NPNT: variants seen among roughly 807,000 people sequenced by gnomAD.
The protein encoded by NPNT is preosteoblast EGF-like repeat protein with MAM domain.
In NPNT, 45 loss-of-function variants were observed where a neutral mutation model predicts 68.6. That is an observed-to-expected ratio of 0.66 (90% CI 0.52 to 0.84). The LOEUF (loss-of-function observed/expected upper bound fraction) is 0.84. Ranked by LOEUF, NPNT falls within the 40% of genes least tolerant of loss-of-function variation. The probability of loss-of-function intolerance (pLI) is 0.00; values close to 1 mark genes in which losing one functional copy is unlikely to be tolerated. For missense variants in NPNT, 672 were observed against 714.8 expected, an observed-to-expected ratio of 0.94 and a Z score of 0.68; for synonymous variants, 233 against 253.3, an observed-to-expected ratio of 0.92 and a Z score of 0.76.
chr4:105,954,586 T>TAAA (rs376356643), intron 8 of NPNT, among the ~76,000 whole-genome samples: 147 of 152,254 alleles, frequency 9.7e-4, no homozygotes, highest in African/African-American at 3.4e-3. Context: ...TACAAGGCTT[T>TAAA]AAAAGCTCCT....
intron 8 of NPNT, among the ~76,000 whole-genome samples, chr4:105,945,826 T>C (rs1730339354): frequency 6.6e-6 from 1 of 152,208 alleles, no homozygotes. Flanking sequence ...TGTGAACATA[T>C]CAATGTTAAG....
intron 2 of NPNT, among the ~76,000 whole-genome samples, chr4:105,909,408 C>T (rs1727175688): frequency 6.6e-6 from 1 of 152,074 alleles, no homozygotes; most frequent in South Asian, 2.1e-4. Flanking sequence ...GTTTCATTTT[C>T]TAACTAAGGC....
chr4:105,928,111 A>G (rs897904516), intron 3 of NPNT, among the ~76,000 whole-genome samples: 2 of 152,124 alleles, frequency 1.3e-5, no homozygotes, highest in Admixed American at 1.3e-4. Flanking sequence ...TTATTTGGAG[A>G]GACAGAGGCA....
At chr4:105,920,647 C>T (rs1728194331) in intron 2 of NPNT, among the ~76,000 whole-genome samples, 1 of 151,718 alleles carries the variant, frequency 6.6e-6, no homozygotes, top group Non-Finnish European at 1.5e-5. Context: ...ACAGATGCAG[C>T]CACTTATTTT....
intron 10 of NPNT, among the ~76,000 whole-genome samples, chr4:105,963,140 G>A (rs1172968056): frequency 2.6e-5 from 4 of 152,148 alleles, no homozygotes; most frequent in African/African-American, 9.6e-5. Context: ...CAGGAGAATC[G>A]CTTGAGCCTG....
chr4:105,923,670 G>A (rs766819256), intron 2 of NPNT, among the ~76,000 whole-genome samples: 1 of 152,034 alleles, frequency 6.6e-6, no homozygotes, highest in East Asian at 1.9e-4. Flanking sequence ...TGACATGCAC[G>A]TTCTAGGCGA....
At chr4:105,923,223 G>A (rs888529012) in intron 2 of NPNT, among the ~76,000 whole-genome samples, 3 of 152,114 alleles carry the variant, frequency 2.0e-5, no homozygotes, top group Non-Finnish European at 4.4e-5. Context: ...ATTGGAAGGT[G>A]AGCCAGTTTA....
intron 3 of NPNT, among the ~76,000 whole-genome samples, chr4:105,928,043 G>A (rs1728822851): frequency 6.6e-6 from 1 of 152,018 alleles, no homozygotes; most frequent in Non-Finnish European, 1.5e-5. Flanking sequence ...ACAACATTAG[G>A]AAGTAGAGCA....
intron 2 of NPNT, among the ~76,000 whole-genome samples, chr4:105,915,127 G>A (rs578168008): frequency 1.2e-4 from 18 of 152,274 alleles, no homozygotes; most frequent in Admixed American, 5.9e-4. Flanking sequence ...TCAAAAATCG[G>A]TAGGTCTGCA....
At chr4:105,905,189 C>T (rs1471417051) in intron 2 of NPNT, among the ~76,000 whole-genome samples, 2 of 151,862 alleles carry the variant, frequency 1.3e-5, no homozygotes, top group African/African-American at 4.8e-5. Context: ...AATATTAAGA[C>T]ATTTTTGTAC....
chr4:105,971,215 C>T lies in NPNT; in HGVS notation c.*2225C>T, dbSNP rs1454554585. 4.4e-6 allele frequency: 2 copies of T among 452,972 alleles called. No individual in the cohort carries two copies. Among genetic ancestry groups the T allele is most frequent in the Admixed American group, 4.7e-5 (2 of 42,346 alleles). 28.1% of individuals were successfully genotyped at this position (452,972 alleles called of 1,614,324 possible). On this transcript the variant is annotated 3_prime_UTR_variant, in exon 12 of 12. Coordinates refer to ENST00000379987, the MANE Select transcript of NPNT (RefSeq NM_001033047.3). ...TGGCTGCTGAGAAAGAGTGCCCTGC[C>T]CCACACCGGCAGACCTTTCCTTCAC...
chr4:105,925,182 G>T (rs1219773071), intron 2 of NPNT, among the ~76,000 whole-genome samples: 1 of 152,100 alleles, frequency 6.6e-6, no homozygotes, highest in Non-Finnish European at 1.5e-5. Flanking sequence ...CTCCTGGACA[G>T]TTTATTTCAT....
Position 105,969,121 on chromosome 4 carries a change from G to T in NPNT, c.*131G>T, listed in dbSNP as rs1732394916. The stretch of plus-strand genomic sequence containing the variant: ...CAGTGGGTCAGAAGGAAGTCTATTT[G>T]GTGACCCAGGTTTTTCTGGCCTGCT... On this transcript the variant is annotated 3_prime_UTR_variant, in exon 12 of 12. Coordinates refer to ENST00000379987, the MANE Select transcript of NPNT (RefSeq NM_001033047.3). 2 of 595,566 alleles carry T rather than the reference G, an allele frequency of 3.4e-6. No homozygotes were observed. Among genetic ancestry groups the T allele is most frequent in the East Asian group, 5.6e-5 (2 of 35,578 alleles). 36.9% of individuals were successfully genotyped at this position (595,566 alleles called of 1,614,324 possible).
chr4:105,957,434 A>G (rs1035926913), intron 8 of NPNT, among the ~76,000 whole-genome samples: 1 of 152,160 alleles, frequency 6.6e-6, no homozygotes, highest in Non-Finnish European at 1.5e-5. Context: ...TAAAGAAATC[A>G]ATTATTTTTT....
intron 2 of NPNT, among the ~76,000 whole-genome samples, chr4:105,919,448 ATATT>A (rs1330350054): frequency 6.6e-6 from 1 of 152,144 alleles, no homozygotes; most frequent in Admixed American, 6.6e-5. Flanking sequence ...TAAACAATCC[ATATT>A]TAGATTTCCC....
chr4:105,919,551 CTTTAA>C (rs951854931), intron 2 of NPNT, among the ~76,000 whole-genome samples: 6 of 152,046 alleles, frequency 3.9e-5, no homozygotes, highest in Admixed American at 1.3e-4. Context: ...TGACATTCCT[CTTTAA>C]TTTAATTGCT....
At chr4:105,905,369 GGTAA>G (rs1726804944) in intron 2 of NPNT, among the ~76,000 whole-genome samples, 1 of 152,166 alleles carries the variant, frequency 6.6e-6, no homozygotes, top group Non-Finnish European at 1.5e-5. Flanking sequence ...CAGCAGTGAA[GGTAA>G]GTATTTCTAA....
At chr4:105,956,816 C>A (rs1388505290) in intron 8 of NPNT, among the ~76,000 whole-genome samples, 1 of 152,030 alleles carries the variant, frequency 6.6e-6, no homozygotes, top group African/African-American at 2.4e-5. Context: ...CAGCTGTGTC[C>A]CTAGAGCTTC....
Position 105,969,033 on chromosome 4 carries a change from CTT to C in NPNT, c.*47_*48del. On this transcript the variant is annotated 3_prime_UTR_variant, in exon 12 of 12. Coordinates refer to ENST00000379987, the MANE Select transcript of NPNT (RefSeq NM_001033047.3). Reference sequence around the variant, plus strand: ...ATGAACTCCTATGTTGCTCTATCCTCTTTTTCCAATTCTCATCTTCTCTCCTC... The same window carrying C: ...ATGAACTCCTATGTTGCTCTATCCTCTTTCCAATTCTCATCTTCTCTCCTC... 1 of 1,266,542 alleles carries C rather than the reference CTT, an allele frequency of 7.9e-7. No homozygotes were observed. The highest frequency in any genetic ancestry group is 1.1e-6 in the Non-Finnish European group (1 of 872,264). The allele number at this position is 1,266,542 out of a possible 1,614,324, so 78.5% of individuals were successfully genotyped here.
Sources: gnomAD v4.1 joint callset for allele counts (sites outside exome capture counted in the v4.1 genomes callset) on GRCh38, gnomAD v4.1.1 for gene constraint, MANE v1.5 for transcripts, NCBI Gene and HGNC (gene_info 2026-07-23, HGNC 2026-07-21) for gene names.